The following DLGAP1 variants were observed in gnomAD, a reference collection of about 807,000 sequenced individuals.
The protein encoded by DLGAP1 is DLG associated protein 1.
DLGAP1 carries 11 observed loss-of-function variants against 90.8 expected under a neutral mutation model. That is an observed-to-expected ratio of 0.12 (90% CI 0.08 to 0.20). The LOEUF (loss-of-function observed/expected upper bound fraction) is 0.20. DLGAP1 is among the 10% of genes least tolerant of loss of function. DLGAP1 has a pLI of 1.00. For synonymous variants in DLGAP1, 558 were observed against 540.7 expected (o/e 1.03, Z -0.44); for missense variants, 1,050 against 1,333.8 (o/e 0.79, Z 3.31).
rs1478624146 is a variant in DLGAP1 at position 4,084,213 on chromosome 18, T to G, written c.-159+66967A>C. On this transcript the variant is annotated intron_variant, in intron 2 of 12. Transcript: ENST00000315677. The surrounding 1 kb of genome is among the most constrained non-coding windows in gnomAD (Gnocchi z 4.0). ...CAACCTGGTGTCTTAGCATAATGAC[T>G]TGCAGCACGCAGTGGTTATAGTAGC... is the stretch of plus-strand genomic sequence containing the variant. Among the ~76,000 whole-genome samples, 3 of 145,782 alleles carry G rather than the reference T, an allele frequency of 2.1e-5. No individual in the cohort carries two copies. Among genetic ancestry groups the G allele is most frequent in the Non-Finnish European group, 4.6e-5 (3 of 64,866 alleles).
intron 11 of DLGAP1, among the ~76,000 whole-genome samples, chr18:3,506,396 C>T (rs1272156687): frequency 6.6e-6 from 1 of 151,652 alleles, no homozygotes; most frequent in Non-Finnish European, 1.5e-5. Flanking sequence ...GCCTGTAATC[C>T]CAGCTACTCG....
chr18:4,452,810 A>G (rs1446630613), intron 1 of DLGAP1, among the ~76,000 whole-genome samples: 2 of 151,352 alleles, frequency 1.3e-5, no homozygotes, highest in African/African-American at 4.9e-5. Context: ...AAACTCATAT[A>G]CTCATTATTT....
At chr18:3,953,430 T>A (rs2148968892) in intron 3 of DLGAP1, among the ~76,000 whole-genome samples, 1 of 152,312 alleles carries the variant, frequency 6.6e-6, no homozygotes, top group Admixed American at 6.5e-5. Context: ...TGAGAACAAG[T>A]GGTATTTAAC....
At chr18:3,504,106 T>C (rs494473) in intron 11 of DLGAP1, among the ~76,000 whole-genome samples, 64,954 of 151,922 alleles carry the variant, frequency 0.43, 14,210 homozygotes, top group Middle Eastern at 0.64. Context: ...CAAAAATAAA[T>C]AAATAAACAG....
At chr18:3,767,838 T>C (rs970349180) in intron 5 of DLGAP1, among the ~76,000 whole-genome samples, 1 of 152,144 alleles carries the variant, frequency 6.6e-6, no homozygotes. Context: ...AAAGACAGAA[T>C]GTTTTCCCCC....
At chr18:4,110,419 A>G (rs2075952840) in intron 2 of DLGAP1, among the ~76,000 whole-genome samples, 1 of 152,224 alleles carries the variant, frequency 6.6e-6, no homozygotes, top group Non-Finnish European at 1.5e-5. Flanking sequence ...CTCTTAAGCC[A>G]TTAATCCCCC....
intron 1 of DLGAP1, among the ~76,000 whole-genome samples, chr18:4,446,280 T>TG (rs1167627666): frequency 2.6e-5 from 4 of 152,116 alleles, no homozygotes; most frequent in African/African-American, 7.2e-5. Flanking sequence ...GTTGCTCTTT[T>TG]GGGGGGCTCC....
At chr18:4,069,789 G>A (rs1481208651) in intron 2 of DLGAP1, among the ~76,000 whole-genome samples, 1 of 152,164 alleles carries the variant, frequency 6.6e-6, no homozygotes, top group East Asian at 1.9e-4. Context: ...TCACAGCAAT[G>A]TGACAACGGA....
chr18:3,889,551 ATT>A (rs1288660286), intron 3 of DLGAP1, among the ~76,000 whole-genome samples: 1 of 152,222 alleles, frequency 6.6e-6, no homozygotes, highest in African/African-American at 2.4e-5. Flanking sequence ...AAGTGCAGAC[ATT>A]AAGCCCTTTT....
At chr18:4,147,641 C>T (rs1435176471) in intron 2 of DLGAP1, among the ~76,000 whole-genome samples, 2 of 151,498 alleles carry the variant, frequency 1.3e-5, no homozygotes, top group African/African-American at 2.4e-5. Flanking sequence ...TTTATCCATC[C>T]AACAGATATT....
intron 4 of DLGAP1, among the ~76,000 whole-genome samples, chr18:3,866,853 T>C (rs943028526): frequency 6.6e-6 from 1 of 152,180 alleles, no homozygotes; most frequent in African/African-American, 2.4e-5. Flanking sequence ...TTTTATTTTA[T>C]TTATATATAT....
chr18:4,397,133 T>C (rs377601798), intron 1 of DLGAP1, among the ~76,000 whole-genome samples: 5 of 152,170 alleles, frequency 3.3e-5, no homozygotes, highest in Admixed American at 6.5e-5. Context: ...ATCTCCACCA[T>C]AGGGTAGTTG....
At chr18:4,012,806 C>T (rs1946875783) in intron 2 of DLGAP1, among the ~76,000 whole-genome samples, 2 of 151,734 alleles carry the variant, frequency 1.3e-5, no homozygotes, top group African/African-American at 4.8e-5. Context: ...TCAAAGGATC[C>T]TCCTGCCTCA....
At chr18:4,071,314 T>C (rs2075443309) in intron 2 of DLGAP1, among the ~76,000 whole-genome samples, 1 of 152,126 alleles carries the variant, frequency 6.6e-6, no homozygotes, top group Admixed American at 6.6e-5. Flanking sequence ...AAATCTGTGG[T>C]CTGGATTGGA....
intron 5 of DLGAP1, among the ~76,000 whole-genome samples, chr18:3,798,501 G>A (rs868601158): frequency 3.9e-5 from 6 of 152,306 alleles, no homozygotes; most frequent in Middle Eastern, 3.4e-3. Context: ...GTCCAGGGCC[G>A]ACCCTGGGGG....
intron 5 of DLGAP1, among the ~76,000 whole-genome samples, chr18:3,798,564 G>A (rs2066127837): frequency 6.6e-6 from 1 of 152,174 alleles, no homozygotes. Context: ...GAGCCTCATG[G>A]GACTTGGCAC....
intron 1 of DLGAP1, among the ~76,000 whole-genome samples, chr18:4,411,706 T>C (rs2082781703): frequency 6.6e-6 from 1 of 152,182 alleles, no homozygotes; most frequent in South Asian, 2.1e-4. Context: ...GGTTCACTCA[T>C]GCAACTGGCA....
rs559529684 is a variant in DLGAP1, at chr18:4,098,868, T to C, written c.-159+52312A>G. ...TCTTTAGACATATGGGCAAGTCAGATAGTTTAAGTAAGTTGTGTAAAATCC... is the reference window on the plus strand; with the variant it reads ...TCTTTAGACATATGGGCAAGTCAGACAGTTTAAGTAAGTTGTGTAAAATCC... On this transcript the variant is annotated intron_variant, in intron 2 of 12. Coordinates refer to ENST00000315677, the MANE Select transcript of DLGAP1 (RefSeq NM_004746.4). Among the ~76,000 whole-genome samples, 33 of 152,330 alleles carry C rather than the reference T, an allele frequency of 2.2e-4. 3 individuals are homozygous for C. The highest frequency in any genetic ancestry group is 7.9e-4 in the African/African-American group (33 of 41,582).
intron 2 of DLGAP1, among the ~76,000 whole-genome samples, chr18:4,110,416 G>A (rs1208669712): frequency 1.3e-5 from 2 of 152,104 alleles, no homozygotes; most frequent in East Asian, 3.8e-4. Flanking sequence ...TTACTCTTAA[G>A]CCATTAATCC....
Sources: gnomAD v4.1 joint callset for allele counts (sites outside exome capture counted in the v4.1 genomes callset) on GRCh38, gnomAD v4.1.1 for gene constraint, Gnocchi (gnomAD v3.1) non-coding constraint, MANE v1.5 for transcripts, NCBI Gene and HGNC (gene_info 2026-07-23, HGNC 2026-07-21) for gene names.